The following MYO5B variants were observed in gnomAD, a reference collection of about 807,000 sequenced individuals.
MYO5B encodes the protein unconventional myosin-Vb.
Under a neutral mutation model 229.3 loss-of-function variants are expected in MYO5B, and 143 were observed. The ratio of observed to expected loss-of-function variants is 0.62; its 90% CI spans 0.54 to 0.72. MYO5B has a LOEUF of 0.72. Among genes scored for constraint, MYO5B ranks in the 30% least tolerant of loss-of-function variants. The probability of loss-of-function intolerance (pLI) is 0.00; values close to 1 mark genes in which losing one functional copy is unlikely to be tolerated. For synonymous variants in MYO5B, 918 were observed against 885.2 expected (o/e 1.04, Z -0.66); for missense variants, 2,321 against 2,331.0 (o/e 1.00, Z 0.09).
At chr18:49,985,960 C>G in intron 7 of MYO5B, among the ~76,000 whole-genome samples, 1 of 152,200 alleles carries the variant, frequency 6.6e-6, no homozygotes, top group East Asian at 1.9e-4. Context: ...GAAAAAGACA[C>G]TATTCCAATC....
At chr18:50,183,786 G>A (rs566806489) in intron 1 of MYO5B, among the ~76,000 whole-genome samples, 130 of 152,226 alleles carry the variant, frequency 8.5e-4, no homozygotes, top group African/African-American at 2.9e-3. Flanking sequence ...TTATAGGGGC[G>A]GATCCCTCAT....
At chr18:49,918,444 C>G (rs540294641) in intron 17 of MYO5B, among the ~76,000 whole-genome samples, 147 of 152,330 alleles carry the variant, frequency 9.7e-4, no homozygotes, top group Non-Finnish European at 1.5e-3. Flanking sequence ...CTAAGGTTCC[C>G]TTAGAAAATG....
chr18:50,146,664 T>C (rs1169710797), intron 1 of MYO5B, among the ~76,000 whole-genome samples: 2 of 152,238 alleles, frequency 1.3e-5, no homozygotes, highest in Non-Finnish European at 2.9e-5. Flanking sequence ...TATACTTTCA[T>C]CAAGGGTTAT....
chr18:50,082,185 G>A (rs1023383826), intron 1 of MYO5B, among the ~76,000 whole-genome samples: 1 of 152,120 alleles, frequency 6.6e-6, no homozygotes, highest in Non-Finnish European at 1.5e-5. Flanking sequence ...GTTGGAGAGA[G>A]GGTTAAATAT....
chr18:49,955,943 C>A (rs888086085), intron 12 of MYO5B, among the ~76,000 whole-genome samples: 1 of 152,190 alleles, frequency 6.6e-6, no homozygotes, highest in Admixed American at 6.5e-5. Context: ...TGGTGGGAAG[C>A]CCACATAGGC....
intron 4 of MYO5B, among the ~76,000 whole-genome samples, chr18:50,029,319 C>T (rs2026364490): frequency 6.6e-6 from 1 of 152,112 alleles, no homozygotes. Flanking sequence ...CCCGGAGCAT[C>T]CCAGGAAGGA....
At chr18:50,032,900 CTGTT>C (rs2026405806) in intron 4 of MYO5B, among the ~76,000 whole-genome samples, 1 of 151,810 alleles carries the variant, frequency 6.6e-6, no homozygotes, top group Non-Finnish European at 1.5e-5. Context: ...GGCAGGAGAA[CTGTT>C]TGAACGTGGG....
intron 1 of MYO5B, among the ~76,000 whole-genome samples, chr18:50,059,376 C>A (rs1198521194): frequency 1.3e-5 from 2 of 152,082 alleles, no homozygotes; most frequent in Non-Finnish European, 2.9e-5. Flanking sequence ...GGTGATGTGA[C>A]CAACTCCTAA....
At chr18:49,922,500 G>C (rs1364612674) in intron 17 of MYO5B, among the ~76,000 whole-genome samples, 1 of 152,174 alleles carries the variant, frequency 6.6e-6, no homozygotes, top group East Asian at 1.9e-4. Context: ...ATTAAATGGT[G>C]AGGATGATTC....
In MYO5B at chr18:49,832,252, G is replaced by A. The variant is rs140436917; in HGVS notation, c.5394+3092C>T. On this transcript the variant is annotated intron_variant, in intron 39 of 39. Transcript: ENST00000285039. ...AGAAGAGTACCCTTCTGATAAGGTTGTGAGGATTTGAAGAGTTAACAGGTG... is the reference window on the plus strand; with the variant it reads ...AGAAGAGTACCCTTCTGATAAGGTTATGAGGATTTGAAGAGTTAACAGGTG... Among the ~76,000 whole-genome samples the A allele has an allele frequency of 2.3e-3, 354 of 152,344 alleles. 3 individuals are homozygous for A. Among genetic ancestry groups the A allele is most frequent in the African/African-American group, 7.4e-3 (309 of 41,592 alleles).
At chr18:50,066,144 A>G (rs2030814252) in intron 1 of MYO5B, among the ~76,000 whole-genome samples, 1 of 152,260 alleles carries the variant, frequency 6.6e-6, no homozygotes, top group African/African-American at 2.4e-5. Flanking sequence ...CATGATAAAA[A>G]TATCAGATTT....
At chr18:50,161,478 C>T (rs2032765044) in intron 1 of MYO5B, among the ~76,000 whole-genome samples, 1 of 147,360 alleles carries the variant, frequency 6.8e-6, no homozygotes, top group Admixed American at 6.9e-5. Flanking sequence ...AGACCCCAGA[C>T]ACTGAAGGAA....
chr18:49,849,397 A>G (rs1331758457), intron 32 of MYO5B, among the ~76,000 whole-genome samples, 170 bp downstream of exon 32: 1 of 152,144 alleles, frequency 6.6e-6, no homozygotes, highest in Non-Finnish European at 1.5e-5. Flanking sequence ...GCAACTGCAG[A>G]TGGGTAAGCT....
intron 1 of MYO5B, among the ~76,000 whole-genome samples, chr18:50,102,485 A>G (rs899758128): frequency 2.0e-5 from 3 of 152,210 alleles, no homozygotes; most frequent in Non-Finnish European, 4.4e-5. Flanking sequence ...TGGTCCAGCA[A>G]CACACAGATC....
chr18:49,901,727 A>T (rs748854791), intron 21 of MYO5B, among the ~76,000 whole-genome samples: 1 of 152,224 alleles, frequency 6.6e-6, no homozygotes, highest in Admixed American at 6.5e-5. Context: ...ACAGATAGGC[A>T]GACAGAGAGA....
intron 15 of MYO5B, 91 bp from the exon 16 acceptor site, chr18:49,936,440 G>A: frequency 1.1e-6 from 1 of 905,090 alleles, no homozygotes; most frequent in Non-Finnish European, 1.8e-6. Flanking sequence ...GGTAGTTATT[G>A]TTACTATTAT....
chr18:49,880,301 G>C, intron 23 of MYO5B, 70 bp downstream of exon 23: 1 of 1,314,728 alleles, frequency 7.6e-7, no homozygotes, highest in Non-Finnish European at 1.1e-6. Context: ...CTTGCTAGGA[G>C]TCTTTGGGAG....
At position 50,104,503 on chromosome 18, in the gene MYO5B, C is replaced by T. The variant is rs541227348; in HGVS notation, c.28-49125G>A. On this transcript the variant is annotated intron_variant, in intron 1 of 39. Transcript: ENST00000285039. ...TTTTAGTTTAGAAGAAACATTTCTA[C>T]AAAGATCATACAATTGTTCACTGTC... Among the ~76,000 whole-genome samples the T allele has an allele frequency of 1.1e-4, 16 of 140,684 alleles. No individual in the cohort carries two copies. The South Asian group carries it at 3.1e-3, about 28-fold the overall frequency. The allele number at this position is 140,684 out of a possible 152,430, so 92.3% of individuals were successfully genotyped here.
intron 17 of MYO5B, among the ~76,000 whole-genome samples, chr18:49,921,890 G>A (rs1270081132): frequency 2.6e-5 from 4 of 152,162 alleles, no homozygotes; most frequent in South Asian, 2.1e-4. Flanking sequence ...GCTTCCACAC[G>A]GGAACTGTTG....
Sources: gnomAD v4.1 joint callset for allele counts (sites outside exome capture counted in the v4.1 genomes callset) on GRCh38, gnomAD v4.1.1 for gene constraint, MANE v1.5 for transcripts, NCBI Gene and HGNC (gene_info 2026-07-23, HGNC 2026-07-21) for gene names.